PCSK5: variants seen among roughly 807,000 people sequenced by gnomAD.
PCSK5 encodes the protein prohormone convertase 5.
PCSK5 carries 129 observed loss-of-function variants against 233.2 expected under a neutral mutation model. The observed-to-expected ratio is 0.55, with a 90% CI of 0.48 to 0.64. The LOEUF (loss-of-function observed/expected upper bound fraction) is 0.64. PCSK5 is among the 30% of genes least tolerant of loss of function. The pLI, the probability that PCSK5 is intolerant of heterozygous loss-of-function variation, is 0.00. For missense variants in PCSK5, 2,076 were observed against 2,430.1 expected (o/e 0.85, Z 3.06); for synonymous variants, 825 against 879.2 (o/e 0.94, Z 1.09).
intron 2 of PCSK5, among the ~76,000 whole-genome samples, 153 bp from the exon 3 acceptor site, chr9:75,985,979 T>C (rs1446970279): frequency 2.6e-5 from 4 of 152,166 alleles, no homozygotes; most frequent in African/African-American, 9.7e-5. Context: ...TTCTAAGGAA[T>C]CTCTGAGCAC....
intron 10 of PCSK5, among the ~76,000 whole-genome samples, chr9:76,138,458 A>G (rs1335315985): frequency 6.6e-6 from 1 of 152,066 alleles, no homozygotes; most frequent in African/African-American, 2.4e-5. Context: ...GGCATTTTTC[A>G]TAACCTACGG....
rs775067087 is a variant in PCSK5 at position 76,338,232 on chromosome 9, A to G, written c.4751A>G (p.Tyr1584Cys). 5.6e-6 allele frequency: 9 copies of G among 1,609,726 alleles called. No individual in the cohort carries two copies. The highest frequency in any genetic ancestry group is 1.7e-6 in the Non-Finnish European group (2 of 1,178,090). ...KECLLQCREG[Y>C]YADNSTGRCE... Reference sequence around the variant, plus strand: ...CTTTTCTTCTCCTTTGGTTTCAGATATTACGCAGACAACTCCACTGGCCGG... The same window carrying G: ...CTTTTCTTCTCCTTTGGTTTCAGATGTTACGCAGACAACTCCACTGGCCGG... Residue 1584 changes from tyrosine (Y) to cysteine (C), a missense_variant and splice_region_variant, in exon 35 of 38, where the codon TAT becomes TGT. Physicochemically the swap from Tyr to Cys is radical, Grantham distance 194. Coordinates refer to ENST00000674117, the MANE Select transcript of PCSK5 (RefSeq NM_001372043.1).
intron 1 of PCSK5, among the ~76,000 whole-genome samples, chr9:75,900,188 C>A (rs552402014): frequency 1.3e-5 from 2 of 152,234 alleles, no homozygotes; most frequent in East Asian, 3.9e-4. Flanking sequence ...GGGTTTGAAA[C>A]CTAATACTGC....
intron 24 of PCSK5, among the ~76,000 whole-genome samples, chr9:76,261,479 T>C (rs1416187783): frequency 6.6e-6 from 1 of 152,088 alleles, no homozygotes; most frequent in African/African-American, 2.4e-5. Flanking sequence ...ACAGCAATAA[T>C]GTTCAAGCTG....
chr9:76,302,144 G>T lies in PCSK5; in HGVS notation c.3531G>T (p.Val1177=). 7.6e-7 allele frequency: 1 copy of T among 1,320,824 alleles called. No individual in the cohort carries two copies. The highest frequency in any genetic ancestry group is 1.0e-6 in the Non-Finnish European group (1 of 1,000,710). 81.8% of individuals were successfully genotyped at this position (1,320,824 alleles called of 1,614,324 possible). Residue 1177 remains valine (V), a synonymous_variant, in exon 28 of 38, where the codon GTG becomes GTT. Transcript: ENST00000674117. The part of the protein sequence containing the change: ...QEEGKFWNEA[V]STANLSVVKS... The stretch of plus-strand genomic sequence containing the variant: ...TTTTTTTTAATAAAAAAGAAGCTGT[G>T]TCCACTGCAAACCTATCTGTGGTGA...
chr9:76,045,987 AC>A (rs992928093), intron 5 of PCSK5, among the ~76,000 whole-genome samples: 66 of 152,170 alleles, frequency 4.3e-4, no homozygotes, highest in African/African-American at 1.5e-3. Flanking sequence ...ATTTTCCCAA[AC>A]TATTCCATAG....
At chr9:76,107,687 G>C (rs1564030357) in intron 9 of PCSK5, among the ~76,000 whole-genome samples, 2 of 152,152 alleles carry the variant, frequency 1.3e-5, no homozygotes, top group Non-Finnish European at 2.9e-5. Context: ...GAGAGGTTAG[G>C]TCTGCCCATT....
chr9:76,196,288 GC>G (rs1442822566), intron 20 of PCSK5, among the ~76,000 whole-genome samples: 1 of 152,220 alleles, frequency 6.6e-6, no homozygotes, highest in African/African-American at 2.4e-5. Context: ...ATGGCTGGGG[GC>G]AAGGAGGTAG....
intron 24 of PCSK5, among the ~76,000 whole-genome samples, chr9:76,289,233 A>G (rs1339774121): frequency 2.0e-5 from 3 of 152,018 alleles, no homozygotes; most frequent in Non-Finnish European, 4.4e-5. Flanking sequence ...TCTCCTTAGG[A>G]AAGATATGAG....
rs554811101 is a variant in PCSK5, at chr9:75,934,794, G to A, written c.297+2311G>A. On this transcript the variant is annotated intron_variant, in intron 2 of 37. Coordinates refer to ENST00000674117, the MANE Select transcript of PCSK5 (RefSeq NM_001372043.1). Reference sequence around the variant, plus strand: ...ATGGGGTTTCACCATGCTGGCTAGCGACCTCAAGTGGTCTGCCTGACCTCA... The same window carrying A: ...ATGGGGTTTCACCATGCTGGCTAGCAACCTCAAGTGGTCTGCCTGACCTCA... Among the ~76,000 whole-genome samples, 99 of 151,908 alleles carry A rather than the reference G, an allele frequency of 6.5e-4. 1 individual carries two copies. The highest frequency in any genetic ancestry group is 1.9e-3 in the African/African-American group (79 of 41,416).
At chr9:75,905,924 T>A (rs1564072730) in intron 1 of PCSK5, among the ~76,000 whole-genome samples, 1 of 152,178 alleles carries the variant, frequency 6.6e-6, no homozygotes, top group Non-Finnish European at 1.5e-5. Flanking sequence ...GACCACTGCT[T>A]TAAATGGGTG....
At chr9:76,289,494 C>CGCAACAT (rs1203520117) in intron 24 of PCSK5, among the ~76,000 whole-genome samples, 337 of 128,042 alleles carry the variant, frequency 2.6e-3, no homozygotes, top group African/African-American at 9.0e-3. Flanking sequence ...CACACACACA[C>CGCAACAT]ACACACACAC....
Position 75,986,205 on chromosome 9 carries a change from C to G in PCSK5, c.371C>G (p.Thr124Ser). ...RDYDFSRAQSTYFNDPKWPSM... is the reference protein window; with the variant it reads ...RDYDFSRAQSSYFNDPKWPSM... ...TATGACTTCAGTCGTGCCCAGTCTA[C>G]CTATTTCAATGATCCCAAGTGGCCC... Residue 124 changes from threonine to serine, a missense_variant, in exon 3 of 38, where the codon ACC (threonine) becomes AGC (serine). Physicochemically the swap from Thr to Ser is moderately conservative, Grantham distance 58. Around this residue, in one of 6 missense-constraint regions of PCSK5, gnomAD observed 190 missense variants for 216.3 expected, o/e 0.88. Transcript: ENST00000674117. 6.2e-7 allele frequency: 1 copy of G among 1,613,660 alleles called. No homozygotes were observed. The highest frequency in any genetic ancestry group is 1.1e-5 in the South Asian group (1 of 91,074).
At chr9:76,230,908 T>C (rs1826059727) in intron 21 of PCSK5, among the ~76,000 whole-genome samples, 1 of 152,024 alleles carries the variant, frequency 6.6e-6, no homozygotes, top group African/African-American at 2.4e-5. Flanking sequence ...TCATTATATA[T>C]CACAATGTAA....
At chr9:75,915,291 T>C (rs1822936594) in intron 1 of PCSK5, among the ~76,000 whole-genome samples, 1 of 152,210 alleles carries the variant, frequency 6.6e-6, no homozygotes, top group Non-Finnish European at 1.5e-5. Context: ...AGTAAGTTGC[T>C]GCATCCATCA....
chr9:75,891,940 G>A (rs912838518), intron 1 of PCSK5, among the ~76,000 whole-genome samples: 8 of 152,062 alleles, frequency 5.3e-5, no homozygotes, highest in African/African-American at 1.9e-4. Flanking sequence ...GGAGGGGGAG[G>A]GAAGAGGGGG....
intron 20 of PCSK5, among the ~76,000 whole-genome samples, chr9:76,191,971 TG>T (rs922356302): frequency 6.8e-6 from 1 of 147,376 alleles, no homozygotes; most frequent in African/African-American, 2.5e-5. Context: ...CCCAGCTACT[TG>T]GGTAGCTGAA....
intron 9 of PCSK5, among the ~76,000 whole-genome samples, chr9:76,114,383 A>T (rs1832345273): frequency 6.6e-6 from 1 of 152,166 alleles, no homozygotes; most frequent in Non-Finnish European, 1.5e-5. Context: ...ATATACACAG[A>T]CAATACACTC....
intron 5 of PCSK5, among the ~76,000 whole-genome samples, chr9:76,029,228 G>A (rs373537368): frequency 8.5e-5 from 13 of 152,110 alleles, no homozygotes; most frequent in Non-Finnish European, 4.4e-5. Context: ...TTAATATAGC[G>A]TTTAAGCAGA....
Sources: allele counts gnomAD v4.1 joint callset (sites outside exome capture counted in the v4.1 genomes callset), GRCh38; gene constraint gnomAD v4.1.1; regional missense constraint gnomAD v4.1.1; transcripts MANE v1.5; gene names NCBI Gene and HGNC (gene_info 2026-07-23, HGNC 2026-07-21).